The following PCDHB3 variants were observed in gnomAD, a reference collection of about 807,000 sequenced individuals.
PCDHB3 encodes the protein protocadherin beta 3.
For synonymous variants in PCDHB3, 479 were observed against 456.0 expected (o/e 1.05, Z -0.64); for missense variants, 967 against 1,012.1 (o/e 0.96, Z 0.60).
rs143918470 is a variant in PCDHB3 at position 141,100,783 on chromosome 5, T to G, written c.134T>G (p.Ile45Arg). 1.1e-5 allele frequency: 18 copies of G among 1,614,014 alleles called. No homozygotes were observed. The highest frequency in any genetic ancestry group is 1.5e-5 in the Non-Finnish European group (18 of 1,180,038). The change falls in exon 1 of 1, where the codon ATA becomes AGA. Residue 45 changes from isoleucine to arginine, a missense_variant. By Grantham distance (97) the Ile-to-Arg change is moderately conservative (BLOSUM62 -3). Coordinates refer to ENST00000231130, the MANE Select transcript of PCDHB3 (RefSeq NM_018937.5). ...VAEEKEKGFL[I>R]ANLAKDLGLR... ...GAGGAAAAAGAGAAGGGCTTTTTAA[T>G]AGCCAACCTAGCAAAGGATCTGGGA...
rs1336412530 is a variant in PCDHB3 at position 141,102,162 on chromosome 5, T to C, written c.1513T>C (p.Ser505Pro). ...DPHLPLSSLV[S>P]INADNGHLFA... is the part of the protein sequence containing the mutation. ...GCACCTGCCCCTCTCTTCCCTGGTCTCCATCAACGCGGACAACGGCCACCT... is the reference window on the plus strand; with the variant it reads ...GCACCTGCCCCTCTCTTCCCTGGTCCCCATCAACGCGGACAACGGCCACCT... The change falls in exon 1 of 1, where the codon TCC becomes CCC. Residue 505 changes from serine (S) to proline (P), a missense_variant. Coordinates refer to ENST00000231130, the MANE Select transcript of PCDHB3 (RefSeq NM_018937.5). 2 of 1,612,890 alleles carry C rather than the reference T, an allele frequency of 1.2e-6. No homozygotes were observed. The highest frequency in any genetic ancestry group is 2.7e-5 in the African/African-American group (2 of 74,882).
chr5:141,101,161 C>T lies in PCDHB3; in HGVS notation c.512C>T (p.Thr171Ile). 1 of 1,614,184 alleles carries T rather than the reference C, an allele frequency of 6.2e-7. No individual in the cohort carries two copies. Among genetic ancestry groups the T allele is most frequent in the Middle Eastern group, 1.6e-4 (1 of 6,062 alleles). The change falls in exon 1 of 1, where the codon ACT becomes ATT. Residue 171 changes from threonine to isoleucine, a missense_variant. Physicochemically the swap from Thr to Ile is moderately conservative, Grantham distance 89 (BLOSUM62 -1). Coordinates refer to ENST00000231130, the MANE Select transcript of PCDHB3 (RefSeq NM_018937.5). ...GGAAGAAACAGCCTCCAAAACTACA[C>T]TATCACTCCGAATTCCCACTTCCAC... is the stretch of plus-strand genomic sequence containing the variant. ...DVGRNSLQNY[T>I]ITPNSHFHVL...
chr5:141,102,167 C>A lies in PCDHB3; in HGVS notation c.1518C>A (p.Ile506=), dbSNP rs1392738799. 11 of 1,612,952 alleles carry A rather than the reference C, an allele frequency of 6.8e-6. No homozygotes were observed. The African/African-American group carries it at 1.3e-4, about 20-fold the overall frequency. ...PHLPLSSLVS[I]NADNGHLFAL... is the part of the protein sequence containing the mutation. ...TGCCCCTCTCTTCCCTGGTCTCCAT[C>A]AACGCGGACAACGGCCACCTGTTTG... The change falls in exon 1 of 1, where the codon ATC becomes ATA. Residue 506 remains isoleucine (I), a synonymous_variant. Coordinates refer to ENST00000231130, the MANE Select transcript of PCDHB3 (RefSeq NM_018937.5).
chr5:141,101,120 T>C lies in PCDHB3; in HGVS notation c.471T>C (p.Ala157=). Reference sequence around the variant, plus strand: ...GAACAGTAATTCCTTTGGGAAATGCTGAGGACTTGGATGTGGGAAGAAACA... The same window carrying C: ...GAACAGTAATTCCTTTGGGAAATGCCGAGGACTTGGATGTGGGAAGAAACA... The part of the protein sequence containing the change: ...LPGTVIPLGN[A]EDLDVGRNSL... The change falls in exon 1 of 1, where the codon GCT becomes GCC. Residue 157 remains alanine (A), a synonymous_variant. Coordinates refer to ENST00000231130, the MANE Select transcript of PCDHB3 (RefSeq NM_018937.5). The C allele has an allele frequency of 6.2e-7, 1 of 1,614,224 alleles. No homozygotes were observed. Among genetic ancestry groups the C allele is most frequent in the Non-Finnish European group, 8.5e-7 (1 of 1,180,044 alleles).
rs1554272492 is a variant in PCDHB3, at chr5:141,102,151, C to G, written c.1502C>G (p.Ser501Cys). The G allele has an allele frequency of 6.2e-7, 1 of 1,612,966 alleles. No homozygotes were observed. Among genetic ancestry groups the G allele is most frequent in the Non-Finnish European group, 8.5e-7 (1 of 1,180,024 alleles). ...LPPQDPHLPL[S>C]SLVSINADNG... ...CCCCAGGACCCGCACCTGCCCCTCT[C>G]TTCCCTGGTCTCCATCAACGCGGAC... The change falls in exon 1 of 1, where the codon TCT becomes TGT. Residue 501 changes from serine to cysteine, a missense_variant. By Grantham distance (112) the Ser-to-Cys change is moderately radical. Transcript: ENST00000231130.
rs372268266 is a variant in PCDHB3 at position 141,102,460 on chromosome 5, A to C, written c.1811A>C (p.Tyr604Ser). 3.7e-6 allele frequency: 6 copies of C among 1,609,784 alleles called. No homozygotes were observed. The South Asian group carries it at 6.6e-5, about 18-fold the overall frequency. The change falls in exon 1 of 1, where the codon TAC (tyrosine) becomes TCC (serine). Residue 604 changes from tyrosine (Y) to serine (S), a missense_variant. Tyr to Ser is a moderately radical substitution (Grantham distance 144). Coordinates refer to ENST00000231130, the MANE Select transcript of PCDHB3 (RefSeq NM_018937.5). ...GDSGQNAWLS[Y>S]QLLKATEPGL... ...TCGGGCCAGAACGCCTGGCTGTCGT[A>C]CCAGCTGCTCAAGGCCACGGAGCCC...
In PCDHB3 at chr5:141,101,394, G is replaced by T; in HGVS notation, c.745G>T (p.Val249Phe). 6.2e-7 allele frequency: 1 copy of T among 1,614,184 alleles called. No individual in the cohort carries two copies. Among genetic ancestry groups the T allele is most frequent in the Non-Finnish European group, 8.5e-7 (1 of 1,180,032 alleles). The stretch of plus-strand genomic sequence containing the variant: ...AGAATTTGCACAGCCGCTCTATGAG[G>T]TTGCAGTTCTAGAGAATACCCCCGT... ...APEFAQPLYE[V>F]AVLENTPVNS... The change falls in exon 1 of 1, where the codon GTT becomes TTT. Residue 249 changes from valine to phenylalanine, a missense_variant. Coordinates refer to ENST00000231130, the MANE Select transcript of PCDHB3 (RefSeq NM_018937.5).
rs1751951314 is a variant in PCDHB3 at position 141,101,828 on chromosome 5, G to C, written c.1179G>C (p.Leu393=). The part of the protein sequence containing the change: ...CSIENNLPFF[L]KPSVENFYTL... ...TTGAGAACAATCTCCCCTTCTTCCT[G>C]AAACCATCTGTAGAGAATTTTTACA... The change falls in exon 1 of 1, where the codon CTG becomes CTC. Residue 393 remains leucine (L), a synonymous_variant. Coordinates refer to ENST00000231130, the MANE Select transcript of PCDHB3 (RefSeq NM_018937.5). 6.2e-7 allele frequency: 1 copy of C among 1,614,104 alleles called. No homozygotes were observed. Among genetic ancestry groups the C allele is most frequent in the Non-Finnish European group, 8.5e-7 (1 of 1,180,024 alleles).
In PCDHB3 at chr5:141,100,495, G is replaced by T. The variant is rs1188835102; in HGVS notation, c.-155G>T. On this transcript the variant is annotated 5_prime_UTR_variant, in exon 1 of 1. Transcript: ENST00000231130. ...TCCAGTGTGGTAAACCAGCGGTTGA[G>T]AGCCCAGGCAGATTTTTGAGCCAGC... 6.2e-5 allele frequency: 37 copies of T among 599,648 alleles called. No homozygotes were observed. The highest frequency in any genetic ancestry group is 1.0e-4 in the Non-Finnish European group (36 of 344,886). The allele number at this position is 599,648 out of a possible 1,614,324, so 37.1% of individuals were successfully genotyped here.
Position 141,103,097 on chromosome 5 carries a change from T to C in PCDHB3, c.*57T>C. On this transcript the variant is annotated 3_prime_UTR_variant, in exon 1 of 1. Transcript: ENST00000231130. ...AGTTAATCTGTGGAAAGTCCTTTTT[T>C]ACTGCTTTGTCCATTGGAGAGGTCT... 1.3e-6 allele frequency: 2 copies of C among 1,542,312 alleles called. No individual in the cohort carries two copies. Among genetic ancestry groups the C allele is most frequent in the South Asian group, 1.3e-5 (1 of 77,818 alleles).
chr5:141,102,523 G>T lies in PCDHB3; in HGVS notation c.1874G>T (p.Arg625Leu). ...FGVWAHNGEV[R>L]TARLLSERDA... ...GTGTGGGCGCACAATGGCGAAGTGC[G>T]CACCGCCAGGCTGCTGAGCGAGCGC... is the stretch of plus-strand genomic sequence containing the variant. Residue 625 changes from arginine to leucine, a missense_variant, in exon 1 of 1, where the codon CGC (arginine) becomes CTC (leucine). By Grantham distance (102) the Arg-to-Leu change is moderately radical (BLOSUM62 -2). Coordinates refer to ENST00000231130, the MANE Select transcript of PCDHB3 (RefSeq NM_018937.5). 1 of 1,608,432 alleles carries T rather than the reference G, an allele frequency of 6.2e-7. No homozygotes were observed. Among genetic ancestry groups the T allele is most frequent in the Non-Finnish European group, 8.5e-7 (1 of 1,179,582 alleles).
rs570630552 is a variant in PCDHB3, at chr5:141,101,742, C to G, written c.1093C>G (p.Leu365Val). 39 of 1,614,098 alleles carry G rather than the reference C, an allele frequency of 2.4e-5. No individual in the cohort carries two copies. The Middle Eastern group carries it at 4.9e-4, about 20-fold the overall frequency. ...PIPENSGETV[L>V]AVFSVSDLDS... Reference sequence around the variant, plus strand: ...TCCTGAGAACTCGGGAGAGACTGTACTGGCTGTTTTCAGTGTTTCTGATCT... The same window carrying G: ...TCCTGAGAACTCGGGAGAGACTGTAGTGGCTGTTTTCAGTGTTTCTGATCT... The change falls in exon 1 of 1, where the codon CTG becomes GTG. Residue 365 changes from leucine (L) to valine (V), a missense_variant. Transcript: ENST00000231130.
In PCDHB3 at chr5:141,101,604, A is replaced by G; in HGVS notation, c.955A>G (p.Ile319Val). The G allele has an allele frequency of 6.2e-7, 1 of 1,614,208 alleles. No homozygotes were observed. The highest frequency in any genetic ancestry group is 8.5e-7 in the Non-Finnish European group (1 of 1,180,030). ...FEAINSYEVD[I>V]EAKDGGGLSG... ...AGCGATTAATAGTTATGAAGTCGAC[A>G]TCGAGGCCAAGGATGGCGGAGGCCT... is the stretch of plus-strand genomic sequence containing the variant. The change falls in exon 1 of 1, where the codon ATC becomes GTC. Residue 319 changes from isoleucine to valine, a missense_variant. Physicochemically the swap from Ile to Val is conservative, Grantham distance 29 (BLOSUM62 3). Coordinates refer to ENST00000231130, the MANE Select transcript of PCDHB3 (RefSeq NM_018937.5).
In PCDHB3 at chr5:141,100,626, TG is replaced by T; in HGVS notation, c.-22del. 6.5e-7 allele frequency: 1 copy of T among 1,532,202 alleles called. No individual in the cohort carries two copies. Among genetic ancestry groups the T allele is most frequent in the Non-Finnish European group, 8.9e-7 (1 of 1,125,870 alleles). 94.9% of individuals were successfully genotyped at this position (1,532,202 alleles called of 1,614,324 possible). A position where few individuals can be genotyped will look rare whatever the true frequency, so the allele number is the denominator to read the frequency against. ...TGAGGTTCAGCTTGGCGACATTCCCTGGAAGAGCGTGACGGAAAGTGCAATG... is the reference window on the plus strand; with the variant it reads ...TGAGGTTCAGCTTGGCGACATTCCCTGAAGAGCGTGACGGAAAGTGCAATG... On this transcript the variant is annotated 5_prime_UTR_variant, in exon 1 of 1. Coordinates refer to ENST00000231130, the MANE Select transcript of PCDHB3 (RefSeq NM_018937.5).
At position 141,100,732 on chromosome 5, in the gene PCDHB3, C is replaced by T; in HGVS notation, c.83C>T (p.Ser28Phe). 1 of 1,613,962 alleles carries T rather than the reference C, an allele frequency of 6.2e-7. No homozygotes were observed. The highest frequency in any genetic ancestry group is 8.5e-7 in the Non-Finnish European group (1 of 1,179,976). The change falls in exon 1 of 1, where the codon TCC (serine) becomes TTC (phenylalanine). Residue 28 changes from serine (S) to phenylalanine (F), a missense_variant. Transcript: ENST00000231130. Reference protein sequence around the residue: ...FVFLGGSLAGSESRRYSVAEE... With the variant: ...FVFLGGSLAGFESRRYSVAEE... ...TTTCTGGGAGGGTCTCTGGCTGGGT[C>T]CGAGTCAAGACGCTATTCTGTGGCT...
At position 141,102,212 on chromosome 5, in the gene PCDHB3, C is replaced by T. The variant is rs782347010; in HGVS notation, c.1563C>T (p.Tyr521=). 12 of 1,612,768 alleles carry T rather than the reference C, an allele frequency of 7.4e-6. No homozygotes were observed. The highest frequency in any genetic ancestry group is 6.6e-5 in the South Asian group (6 of 91,016). ...GHLFALRSLD[Y]EALQAFEFRV... is the part of the protein sequence containing the mutation. ...TGTTTGCCCTCAGGTCGCTGGACTA[C>T]GAGGCCCTGCAGGCGTTCGAGTTCC... The change falls in exon 1 of 1, where the codon TAC becomes TAT. Residue 521 remains tyrosine (Y), a synonymous_variant. Transcript: ENST00000231130.
chr5:141,103,082 TG>T lies in PCDHB3; in HGVS notation c.*44del. ...ACTGAGCCTCGTCTTAGTTAATCTG[TG>T]GAAAGTCCTTTTTTACTGCTTTGTC... On this transcript the variant is annotated 3_prime_UTR_variant, in exon 1 of 1. Coordinates refer to ENST00000231130, the MANE Select transcript of PCDHB3 (RefSeq NM_018937.5). 1 of 1,555,438 alleles carries T rather than the reference TG, an allele frequency of 6.4e-7. No individual in the cohort carries two copies. Among genetic ancestry groups the T allele is most frequent in the Non-Finnish European group, 8.7e-7 (1 of 1,152,902 alleles).
rs1554272466 is a variant in PCDHB3, at chr5:141,102,087, T to G, written c.1438T>G (p.Ser480Ala). ...IGSVSATDRD[S>A]GTNAQVTYSL... The stretch of plus-strand genomic sequence containing the variant: ...CAGTGTCAGCGCCACAGACAGAGAC[T>G]CAGGCACCAACGCCCAGGTAACCTA... The change falls in exon 1 of 1, where the codon TCA (serine) becomes GCA (alanine). Residue 480 changes from serine to alanine, a missense_variant. Coordinates refer to ENST00000231130, the MANE Select transcript of PCDHB3 (RefSeq NM_018937.5). 1 of 1,612,814 alleles carries G rather than the reference T, an allele frequency of 6.2e-7. No homozygotes were observed. The highest frequency in any genetic ancestry group is 8.5e-7 in the Non-Finnish European group (1 of 1,180,022).
In PCDHB3 at chr5:141,102,551, C is replaced by A. The variant is rs782768757; in HGVS notation, c.1902C>A (p.Asp634Glu). The change falls in exon 1 of 1, where the codon GAC becomes GAA. Residue 634 changes from aspartate to glutamate, a missense_variant. Coordinates refer to ENST00000231130, the MANE Select transcript of PCDHB3 (RefSeq NM_018937.5). ...VRTARLLSER[D>E]AAKHRLVVLV... The stretch of plus-strand genomic sequence containing the variant: ...CCGCCAGGCTGCTGAGCGAGCGCGA[C>A]GCGGCCAAGCACAGGCTGGTGGTGC... 6.2e-7 allele frequency: 1 copy of A among 1,608,644 alleles called. No homozygotes were observed. The highest frequency in any genetic ancestry group is 8.5e-7 in the Non-Finnish European group (1 of 1,179,648).
Sources: gnomAD v4.1 joint callset for allele counts on GRCh38, gnomAD v4.1.1 for gene constraint, MANE v1.5 for transcripts, NCBI Gene and HGNC (gene_info 2026-07-23, HGNC 2026-07-21) for gene names.